Variants in HAPLN1 observed in about 807,000 individuals in gnomAD.
HAPLN1 encodes the protein hyaluronan and proteoglycan link protein 1.
HAPLN1 carries 13 observed loss-of-function variants against 36.5 expected under a neutral mutation model. The observed-to-expected ratio is 0.36, with a 90% CI of 0.23 to 0.57. The LOEUF (loss-of-function observed/expected upper bound fraction) is 0.57, where lower values mean the gene tolerates loss of function less well. Among genes scored for constraint, HAPLN1 ranks in the 20% least tolerant of loss-of-function variants. The probability of loss-of-function intolerance (pLI) is 0.83; values close to 1 mark genes in which losing one functional copy is unlikely to be tolerated. For synonymous variants in HAPLN1, 202 were observed against 169.8 expected, an observed-to-expected ratio of 1.19 and a Z score of -1.48; for missense variants, 407 against 439.7, an observed-to-expected ratio of 0.93 and a Z score of 0.66.
intron 1 of HAPLN1, among the ~76,000 whole-genome samples, chr5:83,711,828 A>G (rs1751791223): frequency 6.6e-6 from 1 of 152,172 alleles, no homozygotes; most frequent in Non-Finnish European, 1.5e-5. Flanking sequence ...GGCTTGGTCA[A>G]AGGAAAATAA....
chr5:83,709,792 GCTTC>G (rs1751734391), intron 1 of HAPLN1, among the ~76,000 whole-genome samples: 1 of 152,196 alleles, frequency 6.6e-6, no homozygotes, highest in Non-Finnish European at 1.5e-5. Context: ...AGTGACTCTA[GCTTC>G]AGTGTGAGGG....
rs1243091555 is a variant in HAPLN1, at chr5:83,640,310, C to A, written c.*1186G>T. 6.6e-6 allele frequency: 1 copy of A among 152,132 alleles called. No homozygotes were observed. The highest frequency in any genetic ancestry group is 1.5e-5 in the Non-Finnish European group (1 of 67,994). The allele number at this position is 152,132 out of a possible 1,614,324, so 9.4% of individuals were successfully genotyped here. ...GATTTTAGTGTAAACTCTTTGATGA[C>A]AGCTTCAGCATTTAATTTAAGCCTA... On this transcript the variant is annotated 3_prime_UTR_variant, in exon 5 of 5. Transcript: ENST00000274341.
At chr5:83,663,009 G>A (rs940611835) in intron 2 of HAPLN1, among the ~76,000 whole-genome samples, 4 of 152,192 alleles carry the variant, frequency 2.6e-5, no homozygotes, top group Non-Finnish European at 4.4e-5. Context: ...CAGGTAATAA[G>A]TTTAGTGCTG....
intron 1 of HAPLN1, among the ~76,000 whole-genome samples, chr5:83,717,508 C>T (rs1443242804): frequency 6.6e-6 from 1 of 152,178 alleles, no homozygotes; most frequent in Non-Finnish European, 1.5e-5. Flanking sequence ...TTTTACCTTC[C>T]TATATGAATT....
At chr5:83,665,846 CACTG>C (rs1750536608) in intron 2 of HAPLN1, among the ~76,000 whole-genome samples, 1 of 152,194 alleles carries the variant, frequency 6.6e-6, no homozygotes, top group South Asian at 2.1e-4. Flanking sequence ...GGTGACTAGT[CACTG>C]ACTAACAGTG....
intron 1 of HAPLN1, among the ~76,000 whole-genome samples, chr5:83,683,768 G>A (rs1401977360): frequency 1.3e-5 from 2 of 152,188 alleles, no homozygotes; most frequent in Non-Finnish European, 2.9e-5. Flanking sequence ...TCAGAGGTTA[G>A]TAATAACTGC....
At chr5:83,681,548 T>C (rs1010821546) in intron 1 of HAPLN1, among the ~76,000 whole-genome samples, 21 of 152,118 alleles carry the variant, frequency 1.4e-4, no homozygotes, top group African/African-American at 4.8e-4. Context: ...GGTCTGTCTG[T>C]CACAAAGGCT....
intron 1 of HAPLN1, among the ~76,000 whole-genome samples, chr5:83,678,900 T>G (rs928094465): frequency 6.6e-6 from 1 of 152,222 alleles, no homozygotes; most frequent in Non-Finnish European, 1.5e-5. Context: ...CAAGAATTTC[T>G]TAACATGGCT....
chr5:83,705,670 G>A (rs995371951), intron 1 of HAPLN1, among the ~76,000 whole-genome samples: 4 of 151,978 alleles, frequency 2.6e-5, no homozygotes, highest in Non-Finnish European at 4.4e-5. Context: ...AAGAATTAGG[G>A]AAGCAAGAAT....
At chr5:83,672,726 A>G (rs757825898) in intron 2 of HAPLN1, among the ~76,000 whole-genome samples, 4 of 152,220 alleles carry the variant, frequency 2.6e-5, no homozygotes, top group Admixed American at 6.5e-5. Context: ...GTTAAGTTCT[A>G]TAATTCCTTT....
chr5:83,681,162 G>A (rs941036368), intron 1 of HAPLN1, among the ~76,000 whole-genome samples: 4 of 151,840 alleles, frequency 2.6e-5, no homozygotes, highest in African/African-American at 7.3e-5. Flanking sequence ...GTATAAAATC[G>A]AATGACTCAT....
intron 1 of HAPLN1, among the ~76,000 whole-genome samples, chr5:83,684,388 A>G (rs774229166): frequency 6.6e-5 from 10 of 152,176 alleles, no homozygotes; most frequent in Non-Finnish European, 1.2e-4. Flanking sequence ...TGGCAAGTGC[A>G]TATAGGCATA....
chr5:83,648,841 T>C (rs1202034195), intron 3 of HAPLN1, among the ~76,000 whole-genome samples: 2 of 152,170 alleles, frequency 1.3e-5, no homozygotes. Context: ...AGAAGGTATG[T>C]CTTTTGCCGT....
At chr5:83,718,736 G>T (rs1450527661) in intron 1 of HAPLN1, among the ~76,000 whole-genome samples, 2 of 152,120 alleles carry the variant, frequency 1.3e-5, no homozygotes, top group African/African-American at 4.8e-5. Context: ...TTTCAAATTT[G>T]CCTGGTATTT....
At chr5:83,645,454 T>A (rs562738884) in intron 3 of HAPLN1, among the ~76,000 whole-genome samples, 82 of 126,352 alleles carry the variant, frequency 6.5e-4, no homozygotes, top group Non-Finnish European at 1.1e-3. Flanking sequence ...TTTTTTGTGA[T>A]TTTCTTTTTT....
chr5:83,680,907 C>T (rs892198574), intron 1 of HAPLN1, among the ~76,000 whole-genome samples: 4 of 152,104 alleles, frequency 2.6e-5, no homozygotes, highest in African/African-American at 9.7e-5. Flanking sequence ...TATAAATAAG[C>T]AGTACTGCCA....
At chr5:83,664,855 C>T (rs914986291) in intron 2 of HAPLN1, among the ~76,000 whole-genome samples, 1 of 152,028 alleles carries the variant, frequency 6.6e-6, no homozygotes, top group African/African-American at 2.4e-5. Flanking sequence ...AATGCTGTTA[C>T]CATATGCATC....
intron 4 of HAPLN1, among the ~76,000 whole-genome samples, chr5:83,642,633 C>A (rs778155996): frequency 6.6e-6 from 1 of 152,060 alleles, no homozygotes. Context: ...AGTTTTAGGT[C>A]GAATCTAATC....
chr5:83,656,437 A>T (rs1024813518), intron 2 of HAPLN1, among the ~76,000 whole-genome samples: 1 of 62,030 alleles, frequency 1.6e-5, no homozygotes, highest in African/African-American at 1.3e-4. Flanking sequence ...GTATTGCTTT[A>T]AAAAAAAAAA....
Sources: allele counts gnomAD v4.1 joint callset (sites outside exome capture counted in the v4.1 genomes callset), GRCh38; gene constraint gnomAD v4.1.1; transcripts MANE v1.5; gene names NCBI Gene and HGNC (gene_info 2026-07-23, HGNC 2026-07-21).